Variants in ACTN1 observed in about 807,000 individuals in gnomAD.
The protein encoded by ACTN1 is actinin alpha 1, also known as alpha-actinin-1.
In ACTN1, 30 loss-of-function variants were observed where a neutral mutation model predicts 119.6. The observed-to-expected ratio is 0.25, with a 90% CI of 0.19 to 0.34. The LOEUF is 0.34. Ranked by LOEUF, ACTN1 falls within the 10% of genes least tolerant of loss-of-function variation. ACTN1 has a pLI of 1.00. For missense variants in ACTN1, 764 were observed against 1,223.4 expected (o/e 0.62, Z 5.60); for synonymous variants, 429 against 472.6 (o/e 0.91, Z 1.20).
At chr14:68,960,582 C>G (rs1283763267) in intron 1 of ACTN1, among the ~76,000 whole-genome samples, 1 of 152,080 alleles carries the variant, frequency 6.6e-6, no homozygotes, top group African/African-American at 2.4e-5. Context: ...TGTCTCACCT[C>G]CACTATGACA....
chr14:68,950,462 G>GTGTGTATATATGTGTGTGTGTATATATA, intron 1 of ACTN1, among the ~76,000 whole-genome samples: 1 of 125,912 alleles, frequency 7.9e-6, no homozygotes, highest in African/African-American at 4.1e-5. Context: ...ATGCGTGTGT[G>GTGTGTATATATGTGTGTGTGTATATATA]TATATATATA....
In ACTN1 at chr14:68,921,035, C is replaced by T; in HGVS notation, c.311G>A (p.Gly104Asp). 2.5e-6 allele frequency: 4 copies of T among 1,614,166 alleles called. No individual in the cohort carries two copies. The highest frequency in any genetic ancestry group is 1.1e-5 in the South Asian group (1 of 91,084). Reference sequence around the variant, plus strand: ...GGCTCCGATGGACACCAGTTTGACGCCTTTGCTGGCTATGAAATCCAGGGC... The same window carrying T: ...GGCTCCGATGGACACCAGTTTGACGTCTTTGCTGGCTATGAAATCCAGGGC... ...NKALDFIASK[G>D]VKLVSIGAEE... Residue 104 changes from glycine (G) to aspartate (D), a missense_variant, in exon 3 of 22, where the codon GGC (glycine) becomes GAC (aspartate). Transcript: ENST00000394419.
intron 6 of ACTN1, among the ~76,000 whole-genome samples, chr14:68,907,001 G>A (rs2004491): frequency 4.3e-4 from 65 of 152,020 alleles, no homozygotes; most frequent in Middle Eastern, 3.2e-3. Context: ...GGCTGGGCGC[G>A]GTGGCTCATG....
At chr14:68,883,350 C>T (rs375332873) in intron 14 of ACTN1, 8 of 355,834 alleles carry the variant, frequency 2.2e-5, no homozygotes, top group Non-Finnish European at 4.1e-5. Flanking sequence ...ACCCAGGTGA[C>T]CTCCCACAAC....
Position 68,925,336 on chromosome 14 carries a change from TTTTTTAA to T in ACTN1, c.220+215_220+221del, listed in dbSNP as rs2034867007. ...TCAAACCCTTTTTTTTTTTTTTTTT[TTTTTTAA>T]AACAAACAAGGATGCTGAAACAAAT... On this transcript the variant is annotated intron_variant, in intron 2 of 21. Transcript: ENST00000394419. This position sits in a 1 kb window ranked among gnomAD's most constrained non-coding sequence, Gnocchi z 4.3. Among the ~76,000 whole-genome samples the T allele has an allele frequency of 6.7e-6, 1 of 149,250 alleles. No individual in the cohort carries two copies. Among genetic ancestry groups the T allele is most frequent in the African/African-American group, 2.5e-5 (1 of 39,534 alleles).
intron 3 of ACTN1, among the ~76,000 whole-genome samples, chr14:68,915,038 G>C (rs1223700067): frequency 6.6e-6 from 1 of 152,188 alleles, no homozygotes; most frequent in African/African-American, 2.4e-5. Flanking sequence ...GTTCCTGAAT[G>C]AATGCACTTG....
rs112732586 is a variant in ACTN1 at position 68,906,929 on chromosome 14, G to A, written c.595-2193C>T. Among the ~76,000 whole-genome samples the A allele has an allele frequency of 1.8e-3, 277 of 151,888 alleles. 2 individuals carry two copies. Among genetic ancestry groups the A allele is most frequent in the African/African-American group, 6.6e-3 (275 of 41,378 alleles). Reference sequence around the variant, plus strand: ...CATTGAGGCCAGAAGTTCGAGACCAGCCTCGGCAATATAGTGAGACTTCAT... The same window carrying A: ...CATTGAGGCCAGAAGTTCGAGACCAACCTCGGCAATATAGTGAGACTTCAT... On this transcript the variant is annotated intron_variant, in intron 6 of 21. Coordinates refer to ENST00000394419, the MANE Select transcript of ACTN1 (RefSeq NM_001130004.2).
intron 1 of ACTN1, chr14:68,978,404 G>T (rs550587804): frequency 2.8e-6 from 1 of 356,560 alleles, no homozygotes; most frequent in Non-Finnish European, 5.5e-6. Context: ...CCTTCTCCAG[G>T]CAGATCCGGA....
At chr14:68,946,292 T>C (rs1374471778) in intron 1 of ACTN1, among the ~76,000 whole-genome samples, 2 of 152,000 alleles carry the variant, frequency 1.3e-5, no homozygotes, top group African/African-American at 4.8e-5. Context: ...AAGGATGACA[T>C]AGTAAGGACC....
At chr14:68,902,027 T>C (rs901425391) in intron 8 of ACTN1, among the ~76,000 whole-genome samples, 7 of 152,236 alleles carry the variant, frequency 4.6e-5, no homozygotes, top group African/African-American at 1.4e-4. Flanking sequence ...TGGGGCTTTA[T>C]GATGCCTTTG....
At chr14:68,891,135 G>A (rs540184755) in intron 10 of ACTN1, among the ~76,000 whole-genome samples, 4 of 152,274 alleles carry the variant, frequency 2.6e-5, no homozygotes, top group East Asian at 1.9e-4. Flanking sequence ...GTCTCCCCAC[G>A]ATGCTGTCTG....
chr14:68,954,989 C>T lies in ACTN1; in HGVS notation c.105+23963G>A, dbSNP rs1463172884. On this transcript the variant is annotated intron_variant, in intron 1 of 21. Transcript: ENST00000394419. ...CCAGCTCCTCTTTACTAATCCTTCT[C>T]GTCAACCTAGTCCACTCTGATGCAA... 4.6e-5 allele frequency among the ~76,000 whole-genome samples: 7 copies of T among 152,316 alleles called. No homozygotes were observed. The South Asian group carries it at 8.3e-4, about 18-fold the overall frequency.
At chr14:68,884,964 G>A in intron 12 of ACTN1, 81 bp from the exon 13 acceptor site, 1 of 1,246,420 alleles carries the variant, frequency 8.0e-7, no homozygotes, top group Non-Finnish European at 1.2e-6. Flanking sequence ...GCTGTCAGTG[G>A]GGTGGCTGGT....
intron 1 of ACTN1, among the ~76,000 whole-genome samples, chr14:68,974,870 C>G (rs952642357): frequency 6.6e-6 from 1 of 152,224 alleles, no homozygotes; most frequent in Non-Finnish European, 1.5e-5. Context: ...CCCGACATAG[C>G]ACATCTGTGA....
chr14:68,910,331 G>A (rs1290841800), intron 4 of ACTN1, among the ~76,000 whole-genome samples: 2 of 152,158 alleles, frequency 1.3e-5, no homozygotes, highest in Admixed American at 6.5e-5. Flanking sequence ...TTTATTCAAA[G>A]AAATGGTAAT....
At chr14:68,954,341 T>C (rs1401099349) in intron 1 of ACTN1, among the ~76,000 whole-genome samples, 1 of 152,188 alleles carries the variant, frequency 6.6e-6, no homozygotes, top group African/African-American at 2.4e-5. Flanking sequence ...TATTTATTTA[T>C]TCTGAAATGG....
intron 1 of ACTN1, chr14:68,978,291 A>T (rs1201644740): frequency 2.2e-6 from 1 of 450,436 alleles, no homozygotes. Flanking sequence ...CACTGAGTTA[A>T]GCAATAAAAC....
intron 1 of ACTN1, among the ~76,000 whole-genome samples, chr14:68,938,007 A>C (rs1566657781): frequency 6.6e-6 from 1 of 152,218 alleles, no homozygotes; most frequent in Non-Finnish European, 1.5e-5. Flanking sequence ...AAGTATGGCC[A>C]GTCTGGCCAG....
intron 1 of ACTN1, among the ~76,000 whole-genome samples, chr14:68,929,663 A>T (rs906471357): frequency 2.8e-4 from 43 of 152,230 alleles, no homozygotes; most frequent in African/African-American, 9.6e-4. Context: ...ACCAAGGACC[A>T]CACTGGGATG....
Sources: gnomAD v4.1 joint callset for allele counts (sites outside exome capture counted in the v4.1 genomes callset) on GRCh38, gnomAD v4.1.1 for gene constraint, Gnocchi (gnomAD v3.1) non-coding constraint, MANE v1.5 for transcripts, NCBI Gene and HGNC (gene_info 2026-07-23, HGNC 2026-07-21) for gene names.